The following TGFB2 variants were observed in gnomAD, a reference collection of about 807,000 sequenced individuals.
The protein encoded by TGFB2 is transforming growth factor beta 2, also known as transforming growth factor beta-2 proprotein.
TGFB2 carries 13 observed loss-of-function variants against 42.7 expected under a neutral mutation model. The observed-to-expected ratio is 0.30, with a 90% confidence interval of 0.20 to 0.48. TGFB2 has a LOEUF of 0.48. Among genes scored for constraint, TGFB2 ranks in the 20% least tolerant of loss-of-function variants. The probability of loss-of-function intolerance (pLI) is 0.99; values close to 1 mark genes in which losing one functional copy is unlikely to be tolerated. For missense variants in TGFB2, 390 were observed against 517.5 expected (o/e 0.75, Z 2.39); for synonymous variants, 193 against 193.6 (o/e 1.00, Z 0.03).
intron 1 of TGFB2, among the ~76,000 whole-genome samples, chr1:218,383,914 T>G (rs1172276575): frequency 1.3e-5 from 2 of 152,200 alleles, no homozygotes; most frequent in East Asian, 3.8e-4. Context: ...ATCCCGAAAA[T>G]AATTGTGAAA....
intron 1 of TGFB2, among the ~76,000 whole-genome samples, chr1:218,377,761 G>T (rs556361102): frequency 1.3e-3 from 191 of 152,056 alleles, no homozygotes; most frequent in Middle Eastern, 6.8e-3. Flanking sequence ...CCAGTTTCAT[G>T]CAGAAGCAGG....
At chr1:218,392,119 AG>A (rs1658333505) in intron 1 of TGFB2, among the ~76,000 whole-genome samples, 1 of 152,228 alleles carries the variant, frequency 6.6e-6, no homozygotes, top group Non-Finnish European at 1.5e-5. Context: ...TGGGAGGCCA[AG>A]GTGGGCGGAT....
chr1:218,389,297 G>T (rs10482764), intron 1 of TGFB2, among the ~76,000 whole-genome samples: 3 of 152,168 alleles, frequency 2.0e-5, no homozygotes, highest in Non-Finnish European at 2.9e-5. Context: ...AACACCTATT[G>T]TGTACTAAGA....
rs748818194 is a variant in TGFB2, at chr1:218,441,212, C to T, written c.1095C>T (p.Ser365=). 4 of 1,611,202 alleles carry T rather than the reference C, an allele frequency of 2.5e-6. No individual in the cohort carries two copies. The East Asian group carries it at 8.9e-5, about 36-fold the overall frequency. Residue 365 remains serine (S), a synonymous_variant, in exon 7 of 7, where the codon AGC becomes AGT. Coordinates refer to ENST00000366930, the MANE Select transcript of TGFB2 (RefSeq NM_003238.6). ...SSDTQHSRVL[S]LYNTINPEAS... ...CTCCTGTGTCCTTTCAGGTCCTGAG[C>T]TTATATAATACCATAAATCCAGAAG...
chr1:218,423,002 T>G (rs1659506112), intron 2 of TGFB2, among the ~76,000 whole-genome samples: 2 of 152,168 alleles, frequency 1.3e-5, no homozygotes, highest in African/African-American at 2.4e-5. Flanking sequence ...ATTATTACTT[T>G]GAATGAGGGT....
chr1:218,389,348 A>G (rs1009970142), intron 1 of TGFB2, among the ~76,000 whole-genome samples: 4 of 152,204 alleles, frequency 2.6e-5, no homozygotes, highest in African/African-American at 4.8e-5. Context: ...AGGAGTGGGA[A>G]GATGACAGAT....
intron 2 of TGFB2, among the ~76,000 whole-genome samples, chr1:218,416,774 G>T (rs931710328): frequency 3.9e-5 from 6 of 152,166 alleles, no homozygotes; most frequent in Admixed American, 1.3e-4. Flanking sequence ...GGGAGGGACT[G>T]GGTGGGAGGT....
At chr1:218,377,016 AG>A (rs1465465496) in intron 1 of TGFB2, among the ~76,000 whole-genome samples, 12 of 152,028 alleles carry the variant, frequency 7.9e-5, no homozygotes, top group Non-Finnish European at 1.5e-4. Context: ...ACCTCAGCCT[AG>A]GAGGTTAGCT....
At chr1:218,353,876 C>A (rs548639351) in intron 1 of TGFB2, among the ~76,000 whole-genome samples, 1 of 152,176 alleles carries the variant, frequency 6.6e-6, no homozygotes, top group African/African-American at 2.4e-5. Context: ...GGCAACAGAG[C>A]GTGACCCTGT....
In TGFB2 at chr1:218,345,724, C is replaced by G. The variant is rs1656640967; in HGVS notation, c.-978C>G. 6.6e-6 allele frequency: 1 copy of G among 152,470 alleles called. No homozygotes were observed. The highest frequency in any genetic ancestry group is 6.5e-5 in the Admixed American group (1 of 15,288). The allele number at this position is 152,470 out of a possible 1,614,324, so 9.4% of individuals were successfully genotyped here. A position where few individuals can be genotyped will look rare whatever the true frequency, so the allele number is the denominator to read the frequency against. On this transcript the variant is annotated 5_prime_UTR_variant, in exon 1 of 7. Transcript: ENST00000366930. Reference sequence around the variant, plus strand: ...CTCCCCAGCCAGGGTGTCGCAAGGGCTGCCGTTGTGATCCGCAGGGGGTGA... The same window carrying G: ...CTCCCCAGCCAGGGTGTCGCAAGGGGTGCCGTTGTGATCCGCAGGGGGTGA...
intron 1 of TGFB2, among the ~76,000 whole-genome samples, chr1:218,387,457 G>A (rs1280145139): frequency 4.6e-5 from 7 of 152,144 alleles, no homozygotes; most frequent in African/African-American, 1.7e-4. Context: ...TCCTGGAAAA[G>A]GCATGCCCAG....
At chr1:218,360,008 G>A (rs1036950425) in intron 1 of TGFB2, among the ~76,000 whole-genome samples, 7 of 152,148 alleles carry the variant, frequency 4.6e-5, no homozygotes, top group Admixed American at 1.3e-4. Flanking sequence ...ATGAGGTTCT[G>A]TAAAAGGCCT....
intron 6 of TGFB2, among the ~76,000 whole-genome samples, chr1:218,438,388 T>C (rs1165294810): frequency 6.6e-6 from 1 of 152,202 alleles, no homozygotes; most frequent in African/African-American, 2.4e-5. Flanking sequence ...TGTGTGATTA[T>C]TAGTAAATAC....
chr1:218,354,274 G>A (rs555748541), intron 1 of TGFB2, among the ~76,000 whole-genome samples: 15 of 152,256 alleles, frequency 9.9e-5, no homozygotes, highest in Admixed American at 3.9e-4. Flanking sequence ...CAGGAGATGC[G>A]GAGAGATGAA....
chr1:218,378,505 G>A (rs1657831288), intron 1 of TGFB2, among the ~76,000 whole-genome samples: 1 of 152,102 alleles, frequency 6.6e-6, no homozygotes, highest in Non-Finnish European at 1.5e-5. Flanking sequence ...GTAGAGACGA[G>A]GTTTCACCAT....
chr1:218,437,429 G>C lies in TGFB2; in HGVS notation c.1019G>C (p.Gly340Ala). 6.2e-7 allele frequency: 1 copy of C among 1,613,402 alleles called. No individual in the cohort carries two copies. Among genetic ancestry groups the C allele is most frequent in the Non-Finnish European group, 8.5e-7 (1 of 1,179,810 alleles). Reference sequence around the variant, plus strand: ...TGGAAATGGATACACGAACCCAAAGGGTACAATGCCAACTTCTGTGCTGGA... The same window carrying C: ...TGGAAATGGATACACGAACCCAAAGCGTACAATGCCAACTTCTGTGCTGGA... ...LGWKWIHEPKGYNANFCAGAC... is the reference protein window; with the variant it reads ...LGWKWIHEPKAYNANFCAGAC... The change falls in exon 6 of 7, where the codon GGG (glycine) becomes GCG (alanine). Residue 340 changes from glycine to alanine, a missense_variant. Transcript: ENST00000366930.
At chr1:218,438,447 C>A (rs1020376894) in intron 6 of TGFB2, among the ~76,000 whole-genome samples, 2 of 152,122 alleles carry the variant, frequency 1.3e-5, no homozygotes, top group African/African-American at 4.8e-5. Flanking sequence ...CATCTCTAAA[C>A]CTCAGTTTCT....
intron 1 of TGFB2, among the ~76,000 whole-genome samples, chr1:218,355,577 C>T (rs17047714): frequency 0.056 from 8,467 of 152,294 alleles, 797 homozygotes; most frequent in African/African-American, 0.19. Context: ...GGCTCTGCCA[C>T]TGTCGGCTTT....
chr1:218,363,621 C>T (rs980987454), intron 1 of TGFB2, among the ~76,000 whole-genome samples: 4 of 152,154 alleles, frequency 2.6e-5, no homozygotes, highest in African/African-American at 9.7e-5. Flanking sequence ...TGAAGTAATG[C>T]AATGACTATA....
Sources: allele counts gnomAD v4.1 joint callset (sites outside exome capture counted in the v4.1 genomes callset), GRCh38; gene constraint gnomAD v4.1.1; transcripts MANE v1.5; gene names NCBI Gene and HGNC (gene_info 2026-07-23, HGNC 2026-07-21).